The following WDFY4 variants were observed in gnomAD, a reference collection of about 807,000 sequenced individuals.
The protein encoded by WDFY4 is WDFY family member 4, also known as WD repeat- and FYVE domain-containing protein 4.
A neutral mutation model predicts 351.9 loss-of-function variants in WDFY4; 169 were observed. The observed-to-expected ratio is 0.48, with a 90% CI of 0.42 to 0.55. The LOEUF is 0.55. WDFY4 is among the 20% of genes least tolerant of loss of function. WDFY4 has a pLI of 0.00. For missense variants in WDFY4, 3,803 were observed against 3,935.6 expected (o/e 0.97, Z 0.90); for synonymous variants, 1,622 against 1,574.6 (o/e 1.03, Z -0.71).
At chr10:48,846,603 C>T (rs1322242769) in intron 39 of WDFY4, among the ~76,000 whole-genome samples, 1 of 152,212 alleles carries the variant, frequency 6.6e-6, no homozygotes, top group African/African-American at 2.4e-5. Flanking sequence ...TGCACAATGG[C>T]TGCATCTATG....
intron 12 of WDFY4, among the ~76,000 whole-genome samples, chr10:48,755,032 G>C (rs905571567): frequency 1.3e-5 from 2 of 152,064 alleles, no homozygotes; most frequent in African/African-American, 4.8e-5. Context: ...CCACAATCAA[G>C]AAACAGAACA....
At chr10:48,753,709 A>G (rs901100812) in intron 12 of WDFY4, among the ~76,000 whole-genome samples, 2 of 152,034 alleles carry the variant, frequency 1.3e-5, no homozygotes, top group African/African-American at 4.8e-5. Context: ...TATTTCATTG[A>G]TCTCTATATT....
intron 43 of WDFY4, among the ~76,000 whole-genome samples, chr10:48,887,207 G>T (rs1235462462): frequency 6.6e-6 from 1 of 152,180 alleles, no homozygotes; most frequent in Non-Finnish European, 1.5e-5. Flanking sequence ...CTGTGGTGGG[G>T]GCCTGGTGTC....
At chr10:48,861,328 T>A (rs1378063411) in intron 39 of WDFY4, among the ~76,000 whole-genome samples, 1 of 152,216 alleles carries the variant, frequency 6.6e-6, no homozygotes, top group Non-Finnish European at 1.5e-5. Context: ...CCTTCTTTTA[T>A]CATTTACCTT....
At chr10:48,703,652 C>T (rs992127677) in intron 1 of WDFY4, among the ~76,000 whole-genome samples, 5 of 152,100 alleles carry the variant, frequency 3.3e-5, no homozygotes, top group African/African-American at 4.8e-5. Context: ...GCTCCAAGGG[C>T]GCTGCTAGAT....
At chr10:48,917,390 AC>A (rs563911977) in intron 47 of WDFY4, among the ~76,000 whole-genome samples, 155 of 152,320 alleles carry the variant, frequency 1.0e-3, no homozygotes, top group African/African-American at 3.3e-3. Flanking sequence ...AAAATTACAA[AC>A]ACAGGAAGGA....
intron 47 of WDFY4, among the ~76,000 whole-genome samples, chr10:48,905,113 A>G (rs1026629310): frequency 6.6e-6 from 1 of 152,196 alleles, no homozygotes; most frequent in Non-Finnish European, 1.5e-5. Flanking sequence ...AATGTCACTC[A>G]GTGACAGCAT....
Position 48,974,948 on chromosome 10 carries a change from C to A in WDFY4, c.9015C>A (p.Thr3005=). ...TGGTGAGCGGCTCCCAGGACTGCAC[C>A]TGTATCCTGTGGGATCTGGACCACC... The part of the protein sequence containing the change: ...SLLVSGSQDC[T]CILWDLDHLT... Residue 3005 remains threonine (T), a synonymous_variant, in exon 58 of 62, where the codon ACC becomes ACA. Transcript: ENST00000325239. 2 of 1,551,704 alleles carry A rather than the reference C, an allele frequency of 1.3e-6. No homozygotes were observed. The highest frequency in any genetic ancestry group is 8.7e-7 in the Non-Finnish European group (1 of 1,147,006).
chr10:48,718,483 C>A (rs1486914874), intron 2 of WDFY4, among the ~76,000 whole-genome samples: 1 of 152,210 alleles, frequency 6.6e-6, no homozygotes, highest in Non-Finnish European at 1.5e-5. Flanking sequence ...AGAACTCATT[C>A]AGGTCTTTGA....
Position 48,826,771 on chromosome 10 carries a change from C to G in WDFY4, c.6083C>G (p.Ser2028Cys), listed in dbSNP as rs1464862171. The G allele has an allele frequency of 6.4e-7, 1 of 1,551,826 alleles. No homozygotes were observed. The highest frequency in any genetic ancestry group is 8.7e-7 in the Non-Finnish European group (1 of 1,147,056). ...TATTGCCTATCCAAGCCCCAGCAGT[C>G]CCTCTCCGAATGCCTCGGCCTTCTC... ...ILYCLSKPQQ[S>C]LSECLGLLSI... is the part of the protein sequence containing the mutation. The change falls in exon 36 of 62, where the codon TCC (serine) becomes TGC (cysteine). Residue 2028 changes from serine (S) to cysteine (C), a missense_variant. Physicochemically the swap from Ser to Cys is moderately radical, Grantham distance 112. Around this residue, in one of 3 missense-constraint regions of WDFY4, gnomAD observed 3,054 missense variants for 3,148.6 expected, o/e 0.97. Transcript: ENST00000325239.
chr10:48,848,733 C>T (rs773833386), intron 39 of WDFY4, among the ~76,000 whole-genome samples: 6 of 152,170 alleles, frequency 3.9e-5, no homozygotes, highest in Non-Finnish European at 7.3e-5. Flanking sequence ...CCCCTCACGG[C>T]GACACAGAAT....
intron 52 of WDFY4, 99 bp from the exon 53 acceptor site, chr10:48,959,623 A>T: frequency 1.8e-6 from 2 of 1,098,038 alleles, no homozygotes; most frequent in Non-Finnish European, 2.7e-6. Context: ...GTTCAGACCT[A>T]CACAAAATCA....
At chr10:48,828,210 T>C (rs957211131) in intron 36 of WDFY4, among the ~76,000 whole-genome samples, 2 of 152,218 alleles carry the variant, frequency 1.3e-5, no homozygotes, top group African/African-American at 4.8e-5. Context: ...GGAAACCTAA[T>C]GTATAAACCA....
chr10:48,809,592 A>G (rs765508899), intron 28 of WDFY4, among the ~76,000 whole-genome samples: 12 of 136,752 alleles, frequency 8.8e-5, no homozygotes, highest in Non-Finnish European at 1.3e-4. Context: ...ACCACCATCA[A>G]CATCATCACT....
intron 44 of WDFY4, among the ~76,000 whole-genome samples, chr10:48,893,231 A>C (rs1166510861): frequency 1.3e-5 from 2 of 152,236 alleles, no homozygotes; most frequent in African/African-American, 4.8e-5. Flanking sequence ...CTCCGTGTCC[A>C]AATTTTCCCT....
intron 13 of WDFY4, among the ~76,000 whole-genome samples, chr10:48,769,912 C>T (rs2065804144): frequency 6.6e-6 from 1 of 152,194 alleles, no homozygotes; most frequent in South Asian, 2.1e-4. Flanking sequence ...CCTTGCGGGC[C>T]CAGCCCGCTG....
intron 1 of WDFY4, among the ~76,000 whole-genome samples, chr10:48,686,298 C>T (rs569850419): frequency 4.4e-4 from 54 of 122,382 alleles, no homozygotes; most frequent in African/African-American, 1.5e-3. Context: ...CTGGACAACA[C>T]GATGAAACTC....
chr10:48,707,157 G>A (rs2063653146), intron 1 of WDFY4, among the ~76,000 whole-genome samples: 1 of 152,170 alleles, frequency 6.6e-6, no homozygotes. Flanking sequence ...AGGCTAACAG[G>A]CATGTAAAGG....
At chr10:48,728,787 T>A (rs1488329745) in intron 7 of WDFY4, among the ~76,000 whole-genome samples, 1 of 152,250 alleles carries the variant, frequency 6.6e-6, no homozygotes. Flanking sequence ...AATTTTTGGT[T>A]CATTGGGTGT....
Sources: allele counts gnomAD v4.1 joint callset (sites outside exome capture counted in the v4.1 genomes callset), GRCh38; gene constraint gnomAD v4.1.1; regional missense constraint gnomAD v4.1.1; transcripts MANE v1.5; gene names NCBI Gene and HGNC (gene_info 2026-07-23, HGNC 2026-07-21).